The following SYNJ2 variants were observed in gnomAD, a reference collection of about 807,000 sequenced individuals.
SYNJ2 encodes synaptojanin 2, also known as polyphosphatidylinositol phosphatase SYNJ2.
A neutral mutation model predicts 141.3 loss-of-function variants in SYNJ2; 116 were observed. The observed-to-expected ratio is 0.82, with a 90% CI of 0.71 to 0.96. SYNJ2 has a LOEUF of 0.96. Ranked by LOEUF, SYNJ2 falls within the 40% of genes least tolerant of loss-of-function variation. SYNJ2 has a pLI of 0.00. For missense variants in SYNJ2, 1,873 were observed against 1,934.8 expected (o/e 0.97, Z 0.60); for synonymous variants, 745 against 777.7 (o/e 0.96, Z 0.70).
chr6:158,038,976 C>T (rs1779788810), intron 4 of SYNJ2, among the ~76,000 whole-genome samples: 1 of 152,162 alleles, frequency 6.6e-6, no homozygotes, highest in Non-Finnish European at 1.5e-5. Context: ...AGGGCATGGG[C>T]CTGGTGGGGG....
chr6:158,095,347 TTGTC>T (rs1783735632), intron 26 of SYNJ2, among the ~76,000 whole-genome samples: 1 of 152,152 alleles, frequency 6.6e-6, no homozygotes, highest in Non-Finnish European at 1.5e-5. Context: ...AAAGAAAAGT[TTGTC>T]TGATTATTTA....
In SYNJ2 at chr6:158,086,932, C is replaced by G; in HGVS notation, c.3286C>G (p.Leu1096Val). The change falls in exon 23 of 27, where the codon CTG (leucine) becomes GTG (valine). Residue 1096 changes from leucine (L) to valine (V), a missense_variant. Physicochemically the swap from Leu to Val is conservative, Grantham distance 32 (BLOSUM62 1). Transcript: ENST00000355585. The part of the protein sequence containing the change: ...EFRHRSPSRS[L>V]SVPNRPRPPQ... ...CCGCCACCGTTCTCCGAGCAGGTCT[C>G]TGTCGGTCCCCAACCGGCCTCGGCC... 6.2e-7 allele frequency: 1 copy of G among 1,608,632 alleles called. No individual in the cohort carries two copies.
At chr6:157,990,693 G>A (rs184213392) in intron 1 of SYNJ2, among the ~76,000 whole-genome samples, 48 of 152,336 alleles carry the variant, frequency 3.2e-4, no homozygotes, top group African/African-American at 1.1e-3. Flanking sequence ...ACGGGCTCCC[G>A]TGCAGTTTCT....
intron 23 of SYNJ2, 70 bp from the exon 24 acceptor site, chr6:158,088,590 G>A: frequency 6.9e-6 from 8 of 1,165,170 alleles, no homozygotes; most frequent in Non-Finnish European, 1.0e-5. Context: ...GTCTAGTCGG[G>A]CTCCTGGCAG....
Position 158,063,825 on chromosome 6 carries a change from G to C in SYNJ2, c.1162G>C (p.Asp388His), listed in dbSNP as rs1781382756. The C allele has an allele frequency of 6.2e-7, 1 of 1,613,688 alleles. No homozygotes were observed. Among genetic ancestry groups the C allele is most frequent in the African/African-American group, 1.3e-5 (1 of 74,922 alleles). Residue 388 changes from aspartate to histidine, a missense_variant, in exon 9 of 27, where the codon GAC (aspartate) becomes CAC (histidine). Coordinates refer to ENST00000355585, the MANE Select transcript of SYNJ2 (RefSeq NM_003898.4). ...QKGTLRMNCL[D>H]CLDRTNTVQS... is the part of the protein sequence containing the mutation. ...AGGCACTTTGCGGATGAACTGTCTT[G>C]ACTGCCTGGACCGAACCAACACTGT...
intron 11 of SYNJ2, among the ~76,000 whole-genome samples, chr6:158,066,235 T>C (rs1781555329): frequency 6.6e-6 from 1 of 152,182 alleles, no homozygotes; most frequent in Admixed American, 6.5e-5. Context: ...GTCTTATGTT[T>C]TCACGCCTTT....
At chr6:158,063,922 T>G in intron 9 of SYNJ2, 50 bp downstream of exon 9, 1 of 1,589,948 alleles carries the variant, frequency 6.3e-7, no homozygotes, top group African/African-American at 1.3e-5. Flanking sequence ...GTCCTGTGAC[T>G]TCAGCTGGAC....
At chr6:158,074,943 T>TC (rs1782180107) in intron 16 of SYNJ2, among the ~76,000 whole-genome samples, 1 of 125,278 alleles carries the variant, frequency 8.0e-6, no homozygotes, top group Non-Finnish European at 1.7e-5. Context: ...TTTTTTTTTT[T>TC]TTCCTGAGGC....
At chr6:158,079,694 C>G (rs1782552250) in intron 18 of SYNJ2, among the ~76,000 whole-genome samples, 1 of 152,182 alleles carries the variant, frequency 6.6e-6, no homozygotes, top group Admixed American at 6.5e-5. Context: ...CTTTAGATAC[C>G]TGTTGTTGCA....
chr6:157,999,871 G>A (rs951207000), intron 1 of SYNJ2, among the ~76,000 whole-genome samples: 26 of 152,132 alleles, frequency 1.7e-4, no homozygotes, highest in African/African-American at 6.0e-4. Flanking sequence ...CTTTCGAGCC[G>A]TGCAGCTCCG....
intron 3 of SYNJ2, chr6:158,030,777 C>G (rs1430919389): frequency 2.0e-5 from 3 of 152,226 alleles, no homozygotes; most frequent in African/African-American, 7.2e-5. Flanking sequence ...CACCTGTAAT[C>G]CCAGCTACAT....
intron 1 of SYNJ2, among the ~76,000 whole-genome samples, chr6:158,004,168 A>G (rs947308745): frequency 2.0e-5 from 3 of 152,136 alleles, no homozygotes; most frequent in Non-Finnish European, 4.4e-5. Flanking sequence ...CGTATGAACC[A>G]GAGCGACTCC....
At chr6:158,063,721 G>A (rs1781375687) in intron 8 of SYNJ2, 70 bp from the exon 9 acceptor site, 1 of 1,130,494 alleles carries the variant, frequency 8.8e-7, no homozygotes, top group Admixed American at 1.9e-5. Flanking sequence ...GTCAGACATG[G>A]GCCTCTGTGC....
intron 16 of SYNJ2, 88 bp from the exon 17 acceptor site, chr6:158,076,538 G>A (rs1782301218): frequency 7.1e-7 from 1 of 1,407,282 alleles, no homozygotes; most frequent in Admixed American, 2.2e-5. Context: ...TTTAAGAATA[G>A]GGACTTGCCT....
At chr6:158,072,966 A>G in intron 15 of SYNJ2, among the ~76,000 whole-genome samples, 1 of 151,512 alleles carries the variant, frequency 6.6e-6, no homozygotes, top group East Asian at 2.0e-4. Context: ...CCAGCTACTC[A>G]GGAGGCTGAG....
intron 26 of SYNJ2, among the ~76,000 whole-genome samples, chr6:158,095,064 G>A (rs768747127): frequency 1.3e-5 from 2 of 151,774 alleles, no homozygotes; most frequent in African/African-American, 2.4e-5. Context: ...CAGGAGAATC[G>A]CTTGAACCTG....
Position 158,078,299 on chromosome 6 carries a change from A to C in SYNJ2, c.2567+18A>C. ...GATCACAGGTGAGGTCCTGACTTCC[A>C]TGGCGTTTTCTCCTGTGCTGGGCAA... On this transcript the variant is annotated intron_variant, in intron 18 of 26. Transcript: ENST00000355585. The C allele has an allele frequency of 6.4e-7, 1 of 1,565,832 alleles. No individual in the cohort carries two copies. Among genetic ancestry groups the C allele is most frequent in the Non-Finnish European group, 8.8e-7 (1 of 1,137,050 alleles).
chr6:158,083,849 A>T (rs1383598898), intron 21 of SYNJ2, 152 bp from the exon 22 acceptor site: 16 of 998,702 alleles, frequency 1.6e-5, no homozygotes, highest in Non-Finnish European at 2.3e-5. Flanking sequence ...TACCAATGGA[A>T]CTGGGGTACC....
intron 4 of SYNJ2, among the ~76,000 whole-genome samples, chr6:158,038,819 C>T (rs1024373973): frequency 9.7e-4 from 147 of 152,302 alleles, no homozygotes; most frequent in Non-Finnish European, 5.7e-4. Context: ...GTGACCCCTG[C>T]CTGGAGGTCG....
Sources: gnomAD v4.1 joint callset for allele counts (sites outside exome capture counted in the v4.1 genomes callset) on GRCh38, gnomAD v4.1.1 for gene constraint, MANE v1.5 for transcripts, NCBI Gene and HGNC (gene_info 2026-07-23, HGNC 2026-07-21) for gene names.